Variants in BIRC6 observed in about 807,000 individuals in gnomAD.
BIRC6 encodes the protein baculoviral IAP repeat containing 6.
BIRC6 carries 98 observed loss-of-function variants against 503.3 expected under a neutral mutation model. The observed-to-expected ratio is 0.19, with a 90% CI of 0.17 to 0.23. The LOEUF (loss-of-function observed/expected upper bound fraction) is 0.23, where lower values mean the gene tolerates loss of function less well. Ranked by LOEUF, BIRC6 falls within the 10% of genes least tolerant of loss-of-function variation. The probability of loss-of-function intolerance (pLI) is 1.00; values close to 1 mark genes in which losing one functional copy is unlikely to be tolerated. For missense variants in BIRC6, 5,360 were observed against 5,806.0 expected, an observed-to-expected ratio of 0.92 and a Z score of 2.50; for synonymous variants, 2,240 against 2,078.7, an observed-to-expected ratio of 1.08 and a Z score of -2.11.
chr2:32,485,180 G>C (rs568684909), intron 39 of BIRC6, among the ~76,000 whole-genome samples: 4 of 152,294 alleles, frequency 2.6e-5, no homozygotes, highest in African/African-American at 9.6e-5. Context: ...GTGGTGGACA[G>C]AGCTAGGGAG....
chr2:32,483,367 A>G (rs1287548366), intron 39 of BIRC6, among the ~76,000 whole-genome samples: 1 of 152,216 alleles, frequency 6.6e-6, no homozygotes, highest in Non-Finnish European at 1.5e-5. Flanking sequence ...GTTTCAAGTT[A>G]AATGCGGAGA....
intron 65 of BIRC6, among the ~76,000 whole-genome samples, chr2:32,568,313 A>G (rs1219481551): frequency 6.6e-6 from 1 of 151,562 alleles, no homozygotes; most frequent in Non-Finnish European, 1.5e-5. Context: ...CAACATGGTG[A>G]AACCCCAACT....
intron 62 of BIRC6, 70 bp from the exon 63 acceptor site, chr2:32,545,573 A>AC: frequency 7.8e-7 from 1 of 1,274,932 alleles, no homozygotes; most frequent in Non-Finnish European, 1.1e-6. Flanking sequence ...TTAATTTATG[A>AC]CCCTGTATGT....
intron 65 of BIRC6, among the ~76,000 whole-genome samples, chr2:32,554,456 A>T (rs190575389): frequency 6.6e-6 from 1 of 152,180 alleles, no homozygotes; most frequent in African/African-American, 2.4e-5. Flanking sequence ...TTGAAAAGCA[A>T]GATATAAATG....
intron 57 of BIRC6, among the ~76,000 whole-genome samples, chr2:32,520,897 TG>T (rs1048327336): frequency 7.2e-5 from 11 of 152,224 alleles, no homozygotes; most frequent in African/African-American, 2.7e-4. Flanking sequence ...ATATTTCATA[TG>T]TTTAACTTGA....
intron 23 of BIRC6, among the ~76,000 whole-genome samples, chr2:32,460,426 A>C (rs544219102): frequency 6.6e-6 from 1 of 150,690 alleles, no homozygotes; most frequent in Admixed American, 6.6e-5. Context: ...ACAGGTGCCC[A>C]CCACCACACC....
intron 5 of BIRC6, among the ~76,000 whole-genome samples, chr2:32,393,019 A>T (rs1371309919): frequency 6.6e-6 from 1 of 152,052 alleles, no homozygotes; most frequent in Admixed American, 6.6e-5. Flanking sequence ...ATGCATGTTT[A>T]TTTCCAGTGT....
At chr2:32,455,074 C>G (rs193146798) in intron 23 of BIRC6, among the ~76,000 whole-genome samples, 38 of 152,142 alleles carry the variant, frequency 2.5e-4, no homozygotes, top group African/African-American at 8.7e-4. Flanking sequence ...TTTCGTGGAA[C>G]TGTATTGAAA....
intron 6 of BIRC6, among the ~76,000 whole-genome samples, chr2:32,396,728 A>G: frequency 6.6e-6 from 1 of 151,882 alleles, no homozygotes; most frequent in South Asian, 2.1e-4. Context: ...AAAATTGAAC[A>G]TTTTTTTTCC....
At chr2:32,434,058 G>T (rs1185510772) in intron 13 of BIRC6, among the ~76,000 whole-genome samples, 1 of 152,078 alleles carries the variant, frequency 6.6e-6, no homozygotes, top group Non-Finnish European at 1.5e-5. Context: ...TAGTTCCTTT[G>T]TAAATTAGTT....
chr2:32,461,595 T>C (rs2048001342), intron 23 of BIRC6, among the ~76,000 whole-genome samples: 1 of 151,598 alleles, frequency 6.6e-6, no homozygotes, highest in African/African-American at 2.4e-5. Flanking sequence ...TGGTGTTTTT[T>C]TTTTTTTAAC....
At chr2:32,592,910 C>T (rs1487995051) in intron 66 of BIRC6, among the ~76,000 whole-genome samples, 5 of 152,076 alleles carry the variant, frequency 3.3e-5, no homozygotes, top group Non-Finnish European at 4.4e-5. Context: ...GTTAAGGATT[C>T]TTCTACTGTC....
At position 32,447,469 on chromosome 2, in the gene BIRC6, G is replaced by A. The variant is rs1177925437; in HGVS notation, c.4485-1326G>A. Among the ~76,000 whole-genome samples, 11 of 134,424 alleles carry A rather than the reference G, an allele frequency of 8.2e-5. No individual in the cohort carries two copies. The South Asian group carries it at 2.0e-3, about 24-fold the overall frequency. The allele number at this position is 134,424 out of a possible 152,430, so 88.2% of individuals were successfully genotyped here. ...TCCCTCCCGGACTGGGCGGCTGGCC[G>A]GGCGGGGGGCTGATCCCCCCACCTC... On this transcript the variant is annotated intron_variant, in intron 21 of 73. Transcript: ENST00000421745.
At chr2:32,395,739 C>G (rs1200903691) in intron 6 of BIRC6, 146 bp downstream of exon 6, 3 of 622,914 alleles carry the variant, frequency 4.8e-6, no homozygotes, top group Non-Finnish European at 5.7e-6. Flanking sequence ...CTAGCCCTGT[C>G]TATACTCTGG....
intron 23 of BIRC6, among the ~76,000 whole-genome samples, chr2:32,460,213 T>G (rs999933903): frequency 6.5e-5 from 9 of 137,952 alleles, no homozygotes; most frequent in African/African-American, 2.4e-4. Context: ...ATATATGATA[T>G]ATATATATCT....
At chr2:32,375,244 A>G (rs188056166) in intron 1 of BIRC6, among the ~76,000 whole-genome samples, 124 of 152,222 alleles carry the variant, frequency 8.1e-4, no homozygotes, top group African/African-American at 2.9e-3. Context: ...TTTGCCTTTT[A>G]TATCCTGATT....
At chr2:32,582,287 T>G (rs181011463) in intron 66 of BIRC6, among the ~76,000 whole-genome samples, 2 of 152,106 alleles carry the variant, frequency 1.3e-5, no homozygotes, top group African/African-American at 2.4e-5. Flanking sequence ...GGTGGGAGGA[T>G]GATTGCTTGA....
Position 32,357,536 on chromosome 2 carries a change from C to T in BIRC6, c.325+50C>T, listed in dbSNP as rs986402419. ...GCGCGAAGCCGGGGAAAGAAGCCGT[C>T]CAGCCCCGGGGCTCGGCCTCGCGAC... On this transcript the variant is annotated intron_variant, in intron 1 of 73. Coordinates refer to ENST00000421745, the MANE Select transcript of BIRC6 (RefSeq NM_016252.4). The surrounding 1 kb of genome is among the most constrained non-coding windows in gnomAD (Gnocchi z 4.9). 1 of 1,521,118 alleles carries T rather than the reference C, an allele frequency of 6.6e-7. No homozygotes were observed. Among genetic ancestry groups the T allele is most frequent in the African/African-American group, 1.4e-5 (1 of 69,694 alleles). The allele number at this position is 1,521,118 out of a possible 1,614,324, so 94.2% of individuals were successfully genotyped here.
At chr2:32,361,306 C>T (rs2034044869) in intron 1 of BIRC6, among the ~76,000 whole-genome samples, 1 of 152,054 alleles carries the variant, frequency 6.6e-6, no homozygotes, top group African/African-American at 2.4e-5. Context: ...TTAGTACTTC[C>T]TTATATACTA....
Sources: gnomAD v4.1 joint callset for allele counts (sites outside exome capture counted in the v4.1 genomes callset) on GRCh38, gnomAD v4.1.1 for gene constraint, Gnocchi (gnomAD v3.1) non-coding constraint, MANE v1.5 for transcripts, NCBI Gene and HGNC (gene_info 2026-07-23, HGNC 2026-07-21) for gene names.